AOPEP: variants seen among roughly 807,000 people sequenced by gnomAD.
The protein encoded by AOPEP is aminopeptidase O (putative), also known as aminopeptidase O.
Under a neutral mutation model 98.1 loss-of-function variants are expected in AOPEP, and 77 were observed. The ratio of observed to expected loss-of-function variants is 0.78; its 90% CI spans 0.65 to 0.95. The LOEUF is 0.95. Among genes scored for constraint, AOPEP ranks in the 40% least tolerant of loss-of-function variants. The pLI is 0.00. For synonymous variants in AOPEP, 346 were observed against 365.3 expected (o/e 0.95, Z 0.60); for missense variants, 1,024 against 1,024.7 (o/e 1.00, Z 0.01).
chr9:94,931,609 C>A (rs558395824), intron 7 of AOPEP: 250 of 715,962 alleles, frequency 3.5e-4, no homozygotes, highest in African/African-American at 3.0e-3. Context: ...GGAAAGAAGT[C>A]CCTTAAAAAC....
At chr9:94,877,789 C>T (rs1018474095) in intron 5 of AOPEP, among the ~76,000 whole-genome samples, 3 of 152,208 alleles carry the variant, frequency 2.0e-5, no homozygotes, top group African/African-American at 7.2e-5. Context: ...ATTCCCAGGT[C>T]TCAAGTGCGT....
chr9:95,090,294 A>G (rs1426515683), downstream of AOPEP, among the ~76,000 whole-genome samples: 1 of 152,200 alleles, frequency 6.6e-6, no homozygotes, highest in Non-Finnish European at 1.5e-5. Flanking sequence ...CCTCCAGGAG[A>G]ACAAACGGAT....
rs529918593 is a variant in AOPEP at position 94,958,168 on chromosome 9, T to G, written c.1872+2153T>G. Among the ~76,000 whole-genome samples, 16 of 152,338 alleles carry G rather than the reference T, an allele frequency of 1.1e-4. No homozygotes were observed. The South Asian group carries it at 1.7e-3, about 16-fold the overall frequency. ...ATTTGTCCTTTTGTATGTGGCTTAC[T>G]TCACTTAGCATAATGTCTTCAGAGG... On this transcript the variant is annotated intron_variant, in intron 9 of 16. Coordinates refer to ENST00000375315, the MANE Select transcript of AOPEP (RefSeq NM_001193329.3).
At chr9:94,945,154 C>G (rs2057480575) in intron 7 of AOPEP, among the ~76,000 whole-genome samples, 2 of 152,112 alleles carry the variant, frequency 1.3e-5, no homozygotes, top group African/African-American at 4.8e-5. Context: ...AATGATAATT[C>G]ACTCCCAAGA....
At chr9:95,102,685 C>CAGGACTATTCTGGTTTTACT in the AOPEP span, among the ~76,000 whole-genome samples, 1 of 152,196 alleles carries the variant, frequency 6.6e-6, no homozygotes, top group Non-Finnish European at 1.5e-5. Flanking sequence ...TTGGTTTTCC[C>CAGGACTATTCTGGTTTTACT]AGGACTATTC....
intron 13 of AOPEP, among the ~76,000 whole-genome samples, chr9:95,022,460 C>T (rs1252282101): frequency 2.6e-5 from 4 of 152,172 alleles, no homozygotes; most frequent in Non-Finnish European, 4.4e-5. Flanking sequence ...GCCTCAGCCT[C>T]CTGGGTAGCT....
chr9:95,110,914 G>C, the AOPEP span: 4 of 1,309,252 alleles, frequency 3.1e-6, no homozygotes, highest in Admixed American at 1.3e-4. Context: ...TGTTATTTAG[G>C]AAATGACCAA....
intron 15 of AOPEP, among the ~76,000 whole-genome samples, 179 bp from the exon 16 acceptor site, chr9:95,082,396 G>A (rs1052999024): frequency 6.6e-6 from 1 of 152,234 alleles, no homozygotes. Flanking sequence ...GGAGGAGACA[G>A]GGATTGCAGA....
chr9:94,797,429 C>CAAA (rs536953016), intron 4 of AOPEP, among the ~76,000 whole-genome samples: 10 of 97,514 alleles, frequency 1.0e-4, no homozygotes, highest in East Asian at 6.0e-4. Context: ...GACTCCGTCT[C>CAAA]AAAAAAAAAA....
At chr9:95,053,377 TA>T (rs2133824418) in intron 13 of AOPEP, among the ~76,000 whole-genome samples, 1 of 152,354 alleles carries the variant, frequency 6.6e-6, no homozygotes, top group African/African-American at 2.4e-5. Flanking sequence ...ACCTTTTTTC[TA>T]AAAACATTTC....
the AOPEP span, among the ~76,000 whole-genome samples, chr9:95,109,207 C>T: frequency 1.3e-5 from 2 of 152,180 alleles, no homozygotes; most frequent in African/African-American, 2.4e-5. Context: ...CCACCACACC[C>T]GTCCAAGAGC....
At chr9:94,919,902 A>C (rs1032194009) in intron 5 of AOPEP, among the ~76,000 whole-genome samples, 1 of 152,202 alleles carries the variant, frequency 6.6e-6, no homozygotes, top group African/African-American at 2.4e-5. Flanking sequence ...ATTGGGCTGC[A>C]CATGTTGAAA....
chr9:95,113,647 C>T, the AOPEP span: 3 of 148,776 alleles, frequency 2.0e-5, no homozygotes, highest in South Asian at 2.1e-4. Context: ...TTTTTGGAGA[C>T]GGAGTCTTAC....
chr9:95,060,247 A>G (rs2067212429), intron 13 of AOPEP, among the ~76,000 whole-genome samples: 1 of 152,204 alleles, frequency 6.6e-6, no homozygotes, highest in African/African-American at 2.4e-5. Context: ...GTATATTTGC[A>G]GAGCTTATGT....
At chr9:94,935,982 C>T (rs1289356078) in intron 7 of AOPEP, among the ~76,000 whole-genome samples, 1 of 152,192 alleles carries the variant, frequency 6.6e-6, no homozygotes, top group Non-Finnish European at 1.5e-5. Context: ...TCCTTCACTC[C>T]TTCCCTGGGA....
intron 5 of AOPEP, among the ~76,000 whole-genome samples, chr9:94,906,167 C>T (rs2051105211): frequency 6.6e-6 from 1 of 151,708 alleles, no homozygotes; most frequent in Non-Finnish European, 1.5e-5. Flanking sequence ...TATAGTGAGA[C>T]CCTGTCTCTG....
At chr9:95,044,884 T>C (rs1028457923) in intron 13 of AOPEP, among the ~76,000 whole-genome samples, 2 of 152,050 alleles carry the variant, frequency 1.3e-5, no homozygotes, top group Non-Finnish European at 2.9e-5. Context: ...TTGGCACCTG[T>C]AGTTTACATT....
chr9:94,769,691 C>T (rs898749757), intron 2 of AOPEP, among the ~76,000 whole-genome samples: 1 of 152,090 alleles, frequency 6.6e-6, no homozygotes, highest in Non-Finnish European at 1.5e-5. Context: ...ATAACCCAGC[C>T]ATGGAAAGAG....
chr9:95,099,294 A>G, the AOPEP span: 2 of 223,410 alleles, frequency 9.0e-6, no homozygotes, highest in East Asian at 6.4e-5. Context: ...GAGTAAGGTC[A>G]GATTCCAGAC....
Sources: allele counts gnomAD v4.1 joint callset (sites outside exome capture counted in the v4.1 genomes callset), GRCh38; gene constraint gnomAD v4.1.1; transcripts MANE v1.5; gene names NCBI Gene and HGNC (gene_info 2026-07-23, HGNC 2026-07-21).